KIAA1328: variants seen among roughly 807,000 people sequenced by gnomAD.
KIAA1328 encodes KIAA1328.
KIAA1328 carries 52 observed loss-of-function variants against 68.1 expected under a neutral mutation model. That is an observed-to-expected ratio of 0.76 (90% confidence interval 0.61 to 0.96). The LOEUF is 0.96. Ranked by LOEUF, KIAA1328 falls within the 40% of genes least tolerant of loss-of-function variation. KIAA1328 has a pLI of 0.00. For synonymous variants in KIAA1328, 232 were observed against 239.4 expected, an observed-to-expected ratio of 0.97 and a Z score of 0.28; for missense variants, 641 against 677.6, an observed-to-expected ratio of 0.95 and a Z score of 0.60.
chr18:36,952,772 C>T (rs561823309), intron 5 of KIAA1328, among the ~76,000 whole-genome samples: 1 of 152,206 alleles, frequency 6.6e-6, no homozygotes, highest in Admixed American at 6.5e-5. Flanking sequence ...GTGCCTCTCC[C>T]TGGCTCCAAG....
At chr18:37,139,659 C>T (rs1201392010) in intron 7 of KIAA1328, among the ~76,000 whole-genome samples, 1 of 152,156 alleles carries the variant, frequency 6.6e-6, no homozygotes, top group East Asian at 1.9e-4. Flanking sequence ...CAAGTTAAAT[C>T]TCATTGTCTC....
At chr18:37,153,372 C>T (rs754957347) in intron 7 of KIAA1328, among the ~76,000 whole-genome samples, 4 of 152,120 alleles carry the variant, frequency 2.6e-5, no homozygotes, top group Non-Finnish European at 4.4e-5. Flanking sequence ...GATGCCACTT[C>T]AGTTATATTA....
intron 6 of KIAA1328, among the ~76,000 whole-genome samples, chr18:37,014,915 A>T (rs2054098864): frequency 6.6e-6 from 1 of 151,714 alleles, no homozygotes; most frequent in African/African-American, 2.4e-5. Context: ...ATTTTATTTT[A>T]TTTTTTTAGA....
intron 7 of KIAA1328, among the ~76,000 whole-genome samples, chr18:37,124,904 T>C (rs2058356247): frequency 6.6e-6 from 1 of 152,208 alleles, no homozygotes; most frequent in Non-Finnish European, 1.5e-5. Flanking sequence ...ATTCTTCATA[T>C]TGACAAAAAT....
chr18:37,147,087 T>G (rs994988003), intron 7 of KIAA1328, among the ~76,000 whole-genome samples: 1 of 152,188 alleles, frequency 6.6e-6, no homozygotes, highest in African/African-American at 2.4e-5. Flanking sequence ...AGCTCCCCTT[T>G]GCCTTCTGCC....
intron 7 of KIAA1328, among the ~76,000 whole-genome samples, chr18:37,158,821 G>A (rs2059213861): frequency 6.6e-6 from 1 of 151,978 alleles, no homozygotes; most frequent in Admixed American, 6.6e-5. Flanking sequence ...ATCAAATTTG[G>A]GGAAGCCAAT....
chr18:36,835,361 T>C lies in KIAA1328; in HGVS notation c.222T>C (p.Asp74=). 6.2e-7 allele frequency: 1 copy of C among 1,612,104 alleles called. No homozygotes were observed. Among genetic ancestry groups the C allele is most frequent in the Middle Eastern group, 1.7e-4 (1 of 6,042 alleles). ...TGGAGTCCTTAAAAGGCACAGGAGA[T>C]TCAGTAGATGAACAGGTTAGTATTT... ...ISMESLKGTG[D]SVDEQNSCRG... Residue 74 remains aspartate, a synonymous_variant, in exon 3 of 10, where the codon GAT becomes GAC. Transcript: ENST00000280020.
At chr18:36,884,333 G>A (rs566499859) in intron 4 of KIAA1328, among the ~76,000 whole-genome samples, 63 of 152,090 alleles carry the variant, frequency 4.1e-4, no homozygotes, top group African/African-American at 1.5e-3. Flanking sequence ...CCATTCATGG[G>A]CCTAGTGGTA....
At chr18:36,921,241 G>A (rs1279699038) in intron 5 of KIAA1328, 2 of 151,346 alleles carry the variant, frequency 1.3e-5, no homozygotes, top group Non-Finnish European at 2.9e-5. Context: ...ATCATTACCA[G>A]AGGGTTATTT....
At chr18:37,083,096 A>G (rs576621004) in intron 7 of KIAA1328, among the ~76,000 whole-genome samples, 2 of 152,338 alleles carry the variant, frequency 1.3e-5, no homozygotes, top group Admixed American at 1.3e-4. Flanking sequence ...TCAGTACAAT[A>G]GTATATATAA....
chr18:36,850,709 G>A (rs1463927159), intron 4 of KIAA1328, among the ~76,000 whole-genome samples: 1 of 152,104 alleles, frequency 6.6e-6, no homozygotes, highest in East Asian at 1.9e-4. Flanking sequence ...AACTGAGAGG[G>A]ATGCTACATG....
intron 7 of KIAA1328, among the ~76,000 whole-genome samples, chr18:37,131,888 G>A (rs898965923): frequency 6.6e-6 from 1 of 152,288 alleles, no homozygotes; most frequent in Non-Finnish European, 1.5e-5. Flanking sequence ...GGGGTCAAAT[G>A]AATGCCAGGG....
At chr18:37,197,385 G>T (rs2060024410) in intron 9 of KIAA1328, among the ~76,000 whole-genome samples, 1 of 151,902 alleles carries the variant, frequency 6.6e-6, no homozygotes, top group African/African-American at 2.4e-5. Flanking sequence ...AAAGTGTGGG[G>T]TAGAAGCAAA....
At chr18:37,164,319 A>G (rs2059341981) in intron 8 of KIAA1328, among the ~76,000 whole-genome samples, 1 of 152,168 alleles carries the variant, frequency 6.6e-6, no homozygotes, top group Non-Finnish European at 1.5e-5. Context: ...ATAAGGACCT[A>G]CTCAGGTAGA....
chr18:36,889,756 A>G (rs1253040574), intron 5 of KIAA1328, among the ~76,000 whole-genome samples: 3 of 152,178 alleles, frequency 2.0e-5, no homozygotes, highest in African/African-American at 2.4e-5. Context: ...CATTTTTACT[A>G]TTATTAATAT....
Position 37,066,995 on chromosome 18 carries a change from A to G in KIAA1328, c.682A>G (p.Lys228Glu). 1 of 1,613,826 alleles carries G rather than the reference A, an allele frequency of 6.2e-7. No individual in the cohort carries two copies. The highest frequency in any genetic ancestry group is 8.5e-7 in the Non-Finnish European group (1 of 1,179,816). ...CTACTATCAAACCAAGCAAAGACCTAAGTCTGCAGTCCAGGATTCAGCTTC... is the reference window on the plus strand; with the variant it reads ...CTACTATCAAACCAAGCAAAGACCTGAGTCTGCAGTCCAGGATTCAGCTTC... The part of the protein sequence containing the change: ...QTYYQTKQRP[K>E]SAVQDSASES... The change falls in exon 7 of 10, where the codon AAG (lysine) becomes GAG (glutamate). Residue 228 changes from lysine to glutamate, a missense_variant. Physicochemically the swap from Lys to Glu is moderately conservative, Grantham distance 56. Transcript: ENST00000280020.
chr18:37,042,659 G>A (rs1279875856), intron 6 of KIAA1328, among the ~76,000 whole-genome samples: 1 of 152,040 alleles, frequency 6.6e-6, no homozygotes, highest in Non-Finnish European at 1.5e-5. Flanking sequence ...TGCTCCTTTG[G>A]AGAATTTCTC....
chr18:37,117,815 A>T (rs2058156428), intron 7 of KIAA1328, among the ~76,000 whole-genome samples: 1 of 151,852 alleles, frequency 6.6e-6, no homozygotes, highest in Non-Finnish European at 1.5e-5. Flanking sequence ...GTTAACTTTT[A>T]ATGCATCTCA....
chr18:36,848,881 T>G (rs1267222485), intron 4 of KIAA1328, among the ~76,000 whole-genome samples: 2 of 151,768 alleles, frequency 1.3e-5, no homozygotes, highest in Admixed American at 1.3e-4. Flanking sequence ...GAATGTTTAA[T>G]TTACCTTGTG....
Sources: allele counts gnomAD v4.1 joint callset (sites outside exome capture counted in the v4.1 genomes callset), GRCh38; gene constraint gnomAD v4.1.1; transcripts MANE v1.5; gene names NCBI Gene and HGNC (gene_info 2026-07-23, HGNC 2026-07-21).